Variants in HEPHL1 observed in about 807,000 individuals in gnomAD.
HEPHL1 encodes the protein ferroxidase HEPHL1.
Under a neutral mutation model 122.0 loss-of-function variants are expected in HEPHL1, and 123 were observed. The observed-to-expected ratio is 1.01, with a 90% CI of 0.87 to 1.17. The LOEUF (loss-of-function observed/expected upper bound fraction) is 1.17. Among genes scored for constraint, HEPHL1 ranks in the 50% most tolerant of loss-of-function variants. HEPHL1 has a pLI of 0.00. For missense variants in HEPHL1, 1,452 were observed against 1,430.5 expected, an observed-to-expected ratio of 1.01 and a Z score of -0.24; for synonymous variants, 527 against 508.9, an observed-to-expected ratio of 1.04 and a Z score of -0.48.
At chr11:94,037,574 C>G in intron 1 of HEPHL1, among the ~76,000 whole-genome samples, 1 of 152,190 alleles carries the variant, frequency 6.6e-6, no homozygotes, top group Non-Finnish European at 1.5e-5. Context: ...GACCCCCAAG[C>G]AGCCTAACTG....
intron 12 of HEPHL1, among the ~76,000 whole-genome samples, chr11:94,091,974 T>C (rs926669390): frequency 6.6e-6 from 1 of 152,188 alleles, no homozygotes; most frequent in East Asian, 1.9e-4. Context: ...GAGAGCCAAA[T>C]TGAGGAGTTT....
intron 1 of HEPHL1, among the ~76,000 whole-genome samples, chr11:94,032,790 G>C (rs560843836): frequency 4.0e-4 from 61 of 152,324 alleles, no homozygotes; most frequent in Non-Finnish European, 8.4e-4. Flanking sequence ...CTGGTGATCA[G>C]CAGCTTCCTG....
intron 1 of HEPHL1, among the ~76,000 whole-genome samples, chr11:94,036,794 G>A (rs1440373104): frequency 4.2e-4 from 62 of 148,130 alleles, no homozygotes; most frequent in Admixed American, 2.8e-3. Context: ...AGCCTAGATC[G>A]TGCCATTGCA....
Position 94,093,389 on chromosome 11 carries a change from A to G in HEPHL1, c.2295-112A>G, listed in dbSNP as rs544622851. On this transcript the variant is annotated intron_variant, in intron 12 of 19. Transcript: ENST00000315765. Reference sequence around the variant, plus strand: ...AGGCCTGCTCCCCAGGGAGCACTTGATCACAGCCAGGTTTGGGGAGCACTT... The same window carrying G: ...AGGCCTGCTCCCCAGGGAGCACTTGGTCACAGCCAGGTTTGGGGAGCACTT... 46 of 1,231,024 alleles carry G rather than the reference A, an allele frequency of 3.7e-5. No individual in the cohort carries two copies. The African/African-American group carries it at 5.0e-4, about 13-fold the overall frequency. The allele number at this position is 1,231,024 out of a possible 1,614,324, so 76.3% of individuals were successfully genotyped here. A position where few individuals can be genotyped will look rare whatever the true frequency, so the allele number is the denominator to read the frequency against.
intron 7 of HEPHL1, 72 bp downstream of exon 7, chr11:94,073,236 A>C: frequency 6.2e-7 from 1 of 1,608,016 alleles, no homozygotes; most frequent in Non-Finnish European, 8.5e-7. Flanking sequence ...TCTGCACAGA[A>C]TGACTCTTCT....
At chr11:94,027,583 C>A (rs986090687) in intron 1 of HEPHL1, among the ~76,000 whole-genome samples, 1 of 152,196 alleles carries the variant, frequency 6.6e-6, no homozygotes, top group Non-Finnish European at 1.5e-5. Context: ...GGCTCTACAC[C>A]TCTTCTCATT....
chr11:94,045,568 A>C (rs1349560019), intron 1 of HEPHL1, 105 bp from the exon 2 acceptor site: 3 of 965,174 alleles, frequency 3.1e-6, no homozygotes, highest in Non-Finnish European at 4.5e-6. Context: ...TATAGTGAAC[A>C]CCAAATGAGA....
intron 12 of HEPHL1, 142 bp from the exon 13 acceptor site, chr11:94,093,359 G>A (rs1946277712): frequency 2.3e-6 from 2 of 875,612 alleles, no homozygotes; most frequent in Non-Finnish European, 3.6e-6. Context: ...AAAGTATGGT[G>A]CAAAAGGCCT....
At chr11:94,083,999 T>C (rs1946195519) in intron 10 of HEPHL1, among the ~76,000 whole-genome samples, 1 of 152,112 alleles carries the variant, frequency 6.6e-6, no homozygotes, top group Non-Finnish European at 1.5e-5. Context: ...CCACCCTATT[T>C]TGGCAATGTG....
At chr11:94,032,347 T>C (rs1351990009) in intron 1 of HEPHL1, among the ~76,000 whole-genome samples, 1 of 152,216 alleles carries the variant, frequency 6.6e-6, no homozygotes, top group African/African-American at 2.4e-5. Context: ...GGGTTTGACC[T>C]GGCTTATGAT....
chr11:94,074,461 C>CTG (rs35911978), intron 8 of HEPHL1, among the ~76,000 whole-genome samples: 2 of 151,586 alleles, frequency 1.3e-5, no homozygotes, highest in Admixed American at 1.3e-4. Context: ...CTCAGAATGA[C>CTG]TGTGTGTGTG....
At chr11:94,091,643 A>G (rs879028472) in intron 12 of HEPHL1, among the ~76,000 whole-genome samples, 1 of 152,180 alleles carries the variant, frequency 6.6e-6, no homozygotes, top group African/African-American at 2.4e-5. Flanking sequence ...AGTATGTTCT[A>G]TGAGAGGGGA....
At chr11:94,032,600 T>C (rs1199432350) in intron 1 of HEPHL1, among the ~76,000 whole-genome samples, 1 of 151,926 alleles carries the variant, frequency 6.6e-6, no homozygotes, top group African/African-American at 2.4e-5. Context: ...GCCTATAAGG[T>C]TGTTATAGTA....
rs766278587 is a variant in HEPHL1 at position 94,085,944 on chromosome 11, A to T, written c.1868-33A>T. 7 of 1,535,862 alleles carry T rather than the reference A, an allele frequency of 4.6e-6. No homozygotes were observed. The South Asian group carries it at 6.8e-5, about 15-fold the overall frequency. ...AAGCTCCCCTGCCCCATACACACTG[A>T]TAATTTTTCACCGTCTTTCTTCTTC... is the stretch of plus-strand genomic sequence containing the variant. On this transcript the variant is annotated intron_variant, in intron 10 of 19. Transcript: ENST00000315765.
At chr11:94,110,768 A>T (rs1319070505) in intron 17 of HEPHL1, 135 bp from the exon 18 acceptor site, 2 of 640,438 alleles carry the variant, frequency 3.1e-6, no homozygotes, top group African/African-American at 1.8e-5. Flanking sequence ...TTGTACTTCT[A>T]TTCTTGATTC....
intron 13 of HEPHL1, among the ~76,000 whole-genome samples, chr11:94,095,570 A>G (rs1478467490): frequency 6.6e-6 from 1 of 152,142 alleles, no homozygotes; most frequent in Non-Finnish European, 1.5e-5. Flanking sequence ...CATTGAATCT[A>G]TAAATTACCT....
intron 17 of HEPHL1, 27 bp downstream of exon 17, chr11:94,106,157 A>G (rs751889153): frequency 2.6e-6 from 4 of 1,510,934 alleles, no homozygotes; most frequent in Non-Finnish European, 2.7e-6. Flanking sequence ...TGCTTTGGGA[A>G]AGACGTTTTT....
chr11:94,093,687 A>C (rs1385061773), intron 13 of HEPHL1, 47 bp downstream of exon 13: 1 of 1,590,180 alleles, frequency 6.3e-7, no homozygotes, highest in East Asian at 2.2e-5. Context: ...AAGCATGTGC[A>C]TGCACACATA....
Position 94,111,597 on chromosome 11 carries a change from C to T in HEPHL1, c.3269C>T (p.Pro1090Leu), listed in dbSNP as rs1225760205. ...PGVASHPATV[P>L]SNERPGKEQL... ...GTGGCATCTCACCCAGCCACGGTGC[C>T]ATCTAACGGTAATGATACCCTCTCC... Residue 1090 changes from proline to leucine, a missense_variant, in exon 19 of 20, where the codon CCA (proline) becomes CTA (leucine). Transcript: ENST00000315765. The T allele has an allele frequency of 6.2e-6, 10 of 1,606,640 alleles. No individual in the cohort carries two copies. Among genetic ancestry groups the T allele is most frequent in the Non-Finnish European group, 8.5e-6 (10 of 1,176,216 alleles).
Sources: allele counts gnomAD v4.1 joint callset (sites outside exome capture counted in the v4.1 genomes callset), GRCh38; gene constraint gnomAD v4.1.1; transcripts MANE v1.5; gene names NCBI Gene and HGNC (gene_info 2026-07-23, HGNC 2026-07-21).